Variants in DPP10 observed in about 807,000 individuals in gnomAD.
The protein encoded by DPP10 is dipeptidyl peptidase like 10.
In DPP10, 33 loss-of-function variants were observed where a neutral mutation model predicts 120.9. The ratio of observed to expected loss-of-function variants is 0.27; its 90% CI spans 0.21 to 0.37. The LOEUF (loss-of-function observed/expected upper bound fraction) is 0.37, where lower values mean the gene tolerates loss of function less well. Among genes scored for constraint, DPP10 ranks in the 10% least tolerant of loss-of-function variants. DPP10 has a pLI of 1.00. For synonymous variants in DPP10, 337 were observed against 326.1 expected, an observed-to-expected ratio of 1.03 and a Z score of -0.36; for missense variants, 816 against 942.8, an observed-to-expected ratio of 0.87 and a Z score of 1.76.
chr2:115,706,281 T>C (rs2092101443), intron 7 of DPP10, among the ~76,000 whole-genome samples: 1 of 151,984 alleles, frequency 6.6e-6, no homozygotes, highest in South Asian at 2.1e-4. Flanking sequence ...ATTTAGGCAA[T>C]ATTTTAGTCA....
intron 1 of DPP10, among the ~76,000 whole-genome samples, chr2:114,588,610 T>A (rs1691194489): frequency 6.6e-6 from 1 of 152,232 alleles, no homozygotes; most frequent in Admixed American, 6.5e-5. Flanking sequence ...GACATCACTA[T>A]GTATACCATA....
chr2:115,603,573 T>TTG (rs1553459838), intron 5 of DPP10, among the ~76,000 whole-genome samples: 16 of 64,578 alleles, frequency 2.5e-4, no homozygotes, highest in East Asian at 1.6e-3. Flanking sequence ...TTTTTTTGTT[T>TTG]TTTTTTTTTT....
intron 2 of DPP10, among the ~76,000 whole-genome samples, chr2:115,310,084 C>T (rs949011538): frequency 1.3e-4 from 20 of 152,172 alleles, no homozygotes; most frequent in African/African-American, 4.8e-4. Context: ...CTTCCAGATA[C>T]ATTTAGCAGT....
chr2:114,562,002 A>G (rs1864437), intron 1 of DPP10, among the ~76,000 whole-genome samples: 45,404 of 152,114 alleles, frequency 0.3, 8,480 homozygotes, highest in African/African-American at 0.54. Flanking sequence ...TAACGGGTTA[A>G]TTTTGAGGAG....
At chr2:115,095,428 A>G (rs1709637872) in intron 1 of DPP10, among the ~76,000 whole-genome samples, 1 of 152,092 alleles carries the variant, frequency 6.6e-6, no homozygotes, top group East Asian at 1.9e-4. Flanking sequence ...AGGGCAGTGG[A>G]GCTCACTCTA....
intron 1 of DPP10, among the ~76,000 whole-genome samples, chr2:114,634,823 CTTTTAT>C (rs1695192336): frequency 6.6e-6 from 1 of 151,776 alleles, no homozygotes; most frequent in African/African-American, 2.4e-5. Context: ...ACACTAGAAA[CTTTTAT>C]TGTTCAGTTG....
At chr2:114,721,717 A>C (rs556622093) in intron 1 of DPP10, among the ~76,000 whole-genome samples, 98 of 152,318 alleles carry the variant, frequency 6.4e-4, no homozygotes, top group African/African-American at 2.3e-3. Flanking sequence ...GACAGGAAAG[A>C]ATCTGCTAGA....
At chr2:115,369,935 C>T (rs775653848) in intron 3 of DPP10, among the ~76,000 whole-genome samples, 1 of 151,970 alleles carries the variant, frequency 6.6e-6, no homozygotes, top group Non-Finnish European at 1.5e-5. Flanking sequence ...GAGAGCTGCA[C>T]GTGGAAGAAA....
intron 21 of DPP10, among the ~76,000 whole-genome samples, chr2:115,819,171 G>T (rs763990054): frequency 2.0e-5 from 3 of 152,096 alleles, no homozygotes; most frequent in Non-Finnish European, 4.4e-5. Context: ...AAAGAAATTT[G>T]GAGCTATTGC....
At chr2:115,747,303 A>G (rs753175653) in intron 10 of DPP10, among the ~76,000 whole-genome samples, 4 of 152,232 alleles carry the variant, frequency 2.6e-5, no homozygotes, top group Non-Finnish European at 4.4e-5. Context: ...GACCTTAATA[A>G]TAGGCCTGAA....
chr2:115,084,300 C>T (rs180987475), intron 1 of DPP10, among the ~76,000 whole-genome samples: 4 of 152,238 alleles, frequency 2.6e-5, no homozygotes, highest in Admixed American at 6.5e-5. Flanking sequence ...CATAATAATG[C>T]GCTGACCTCC....
chr2:115,172,143 G>A (rs1366597897), intron 1 of DPP10, among the ~76,000 whole-genome samples: 1 of 152,188 alleles, frequency 6.6e-6, no homozygotes, highest in African/African-American at 2.4e-5. Context: ...AACAACTGGG[G>A]AATGCATGCA....
intron 5 of DPP10, among the ~76,000 whole-genome samples, chr2:115,581,628 A>G (rs943219560): frequency 6.6e-6 from 1 of 152,210 alleles, no homozygotes; most frequent in Non-Finnish European, 1.5e-5. Context: ...TCTCAGTGGT[A>G]TCTGCAAATT....
intron 12 of DPP10, among the ~76,000 whole-genome samples, chr2:115,767,396 T>C (rs1293478185): frequency 6.6e-6 from 1 of 152,058 alleles, no homozygotes; most frequent in Admixed American, 6.6e-5. Flanking sequence ...AAAAACTCAA[T>C]GTTTCATCAG....
chr2:115,550,036 A>G (rs985435327), intron 5 of DPP10, among the ~76,000 whole-genome samples: 1 of 152,166 alleles, frequency 6.6e-6, no homozygotes, highest in African/African-American at 2.4e-5. Context: ...CAGCTCAGGT[A>G]GAATTAATTC....
intron 3 of DPP10, among the ~76,000 whole-genome samples, chr2:115,384,671 G>A (rs2066765754): frequency 6.9e-6 from 1 of 144,348 alleles, no homozygotes; most frequent in South Asian, 2.2e-4. Context: ...AGAAGAAGAA[G>A]GAAGAAGAAG....
At chr2:114,761,136 C>T (rs35356583) in intron 1 of DPP10, among the ~76,000 whole-genome samples, 112 of 152,242 alleles carry the variant, frequency 7.4e-4, no homozygotes, top group African/African-American at 2.5e-3. Flanking sequence ...TAAGTTTGTC[C>T]TAAGGTATCT....
chr2:114,559,199 C>T (rs1688558351), intron 1 of DPP10, among the ~76,000 whole-genome samples: 1 of 152,150 alleles, frequency 6.6e-6, no homozygotes, highest in Non-Finnish European at 1.5e-5. Context: ...GCAGATGTGA[C>T]TCAGGTAAGG....
rs897100173 is a variant in DPP10, at chr2:114,902,302, A to T, written c.61-406937A>T. Among the ~76,000 whole-genome samples the T allele has an allele frequency of 3.0e-4, 45 of 152,264 alleles. 1 individual carries two copies. The highest frequency in any genetic ancestry group is 1.0e-3 in the African/African-American group (43 of 41,548). ...TTTCATTTTTTTCAAATGGATGTCTAATTCTTCCCACATCATTTATTGAAG... is the reference window on the plus strand; with the variant it reads ...TTTCATTTTTTTCAAATGGATGTCTTATTCTTCCCACATCATTTATTGAAG... On this transcript the variant is annotated intron_variant, in intron 1 of 25. Coordinates refer to ENST00000410059, the MANE Select transcript of DPP10 (RefSeq NM_020868.6).
Sources: gnomAD v4.1 joint callset for allele counts (sites outside exome capture counted in the v4.1 genomes callset) on GRCh38, gnomAD v4.1.1 for gene constraint, MANE v1.5 for transcripts, NCBI Gene and HGNC (gene_info 2026-07-23, HGNC 2026-07-21) for gene names.